Variants in NEBL observed in about 807,000 individuals in gnomAD.
The protein encoded by NEBL is nebulette, also known as LIM and SH3 protein 2.
Under a neutral mutation model 140.2 loss-of-function variants are expected in NEBL, and 122 were observed. The ratio of observed to expected loss-of-function variants is 0.87; its 90% CI spans 0.75 to 1.01. NEBL has a LOEUF of 1.01. Ranked by LOEUF, NEBL falls within the 50% of genes least tolerant of loss-of-function variation. The pLI is 0.00. For missense variants in NEBL, 1,365 were observed against 1,231.3 expected (o/e 1.11, Z -1.62); for synonymous variants, 436 against 398.9 (o/e 1.09, Z -1.11).
chr10:21,228,268 C>G lies in NEBL; in HGVS notation n.348+19653G>C, dbSNP rs933390991. ...TCCTGAAGTCACGCAATGCTCCCGC[C>G]TCAGCTTCCAGAGTAGCTGGGACTA... is the stretch of plus-strand genomic sequence containing the variant. On this transcript the variant is annotated intron_variant and non_coding_transcript_variant, in intron 3 of 8. Transcript: ENST00000675702. Among the ~76,000 whole-genome samples the G allele has an allele frequency of 3.9e-5, 6 of 152,138 alleles. No homozygotes were observed. The East Asian group carries it at 1.2e-3, about 29-fold the overall frequency.
chr10:21,106,577 T>C (rs955929344), intron 2 of NEBL, among the ~76,000 whole-genome samples: 1 of 152,030 alleles, frequency 6.6e-6, no homozygotes, highest in South Asian at 2.1e-4. Context: ...CAGCCTGTTT[T>C]GGTTACTATA....
chr10:20,852,728 A>G, intron 9 of NEBL, 79 bp from the exon 10 acceptor site: 1 of 1,201,112 alleles, frequency 8.3e-7, no homozygotes, highest in Non-Finnish European at 1.2e-6. Context: ...TACAAACTGC[A>G]CATTACAAGC....
chr10:20,937,221 C>T (rs937856833), intron 4 of NEBL, among the ~76,000 whole-genome samples: 2 of 152,186 alleles, frequency 1.3e-5, no homozygotes, highest in African/African-American at 4.8e-5. Flanking sequence ...GAAAGCCAAT[C>T]ACCCCTTGGT....
At position 20,831,592 on chromosome 10, in the gene NEBL, A is replaced by C. The variant is rs45628140; in HGVS notation, c.1450-9T>G. ...TCTCTTTTATAGTCTTTCTGCAGAAAATGAAACATACAGTTAGTGCTCTCC... is the reference window on the plus strand; with the variant it reads ...TCTCTTTTATAGTCTTTCTGCAGAACATGAAACATACAGTTAGTGCTCTCC... On this transcript the variant is annotated splice_polypyrimidine_tract_variant and intron_variant, in intron 14 of 27. Coordinates refer to ENST00000377122, the MANE Select transcript of NEBL (RefSeq NM_006393.3). 1,522 of 1,550,754 alleles carry C rather than the reference A, an allele frequency of 9.8e-4. 6 individuals carry two copies. The highest frequency in any genetic ancestry group is 7.9e-3 in the African/African-American group (581 of 73,498).
chr10:21,172,980 G>A (rs1161162320), intron 1 of NEBL, among the ~76,000 whole-genome samples: 1 of 152,148 alleles, frequency 6.6e-6, no homozygotes, highest in Non-Finnish European at 1.5e-5. Flanking sequence ...GACTCTGCCC[G>A]GGATGACTGT....
chr10:20,953,076 AT>A (rs1025108141), intron 4 of NEBL, among the ~76,000 whole-genome samples: 1 of 152,188 alleles, frequency 6.6e-6, no homozygotes, highest in Non-Finnish European at 1.5e-5. Flanking sequence ...CCTGTTATAC[AT>A]GCAGATCATT....
chr10:20,869,954 C>T (rs963743635), intron 5 of NEBL, 113 bp from the exon 6 acceptor site: 15 of 790,462 alleles, frequency 1.9e-5, no homozygotes, highest in Non-Finnish European at 3.0e-5. Flanking sequence ...AGAGAGCCTA[C>T]TGACCTTAAG....
chr10:21,263,494 CG>C (rs1842764263), intron 1 of NEBL, among the ~76,000 whole-genome samples: 2 of 152,098 alleles, frequency 1.3e-5, no homozygotes, highest in African/African-American at 4.8e-5. Context: ...CTTCTTTGTC[CG>C]TGACCAGGTC....
At chr10:21,190,803 C>T (rs1236520176) in intron 3 of NEBL, among the ~76,000 whole-genome samples, 1 of 152,110 alleles carries the variant, frequency 6.6e-6, no homozygotes, top group Non-Finnish European at 1.5e-5. Context: ...AAACAAAATG[C>T]TAATTTAACC....
chr10:21,173,114 G>A lies in NEBL; in HGVS notation c.70-637C>T, dbSNP rs980904125. Among the ~76,000 whole-genome samples the A allele has an allele frequency of 1.3e-5, 2 of 152,146 alleles. No homozygotes were observed. Among genetic ancestry groups the A allele is most frequent in the Non-Finnish European group, 2.9e-5 (2 of 68,024 alleles). On this transcript the variant is annotated intron_variant, in intron 1 of 6. Coordinates refer to the NEBL transcript ENST00000417816. The surrounding 1 kb of genome is among the most constrained non-coding windows in gnomAD (Gnocchi z 5.7). ...CTCCTGGGTGTCTCTCTCCCGGGCTGTTCATCTCCGTCCCTGCCCGGGAAG... is the reference window on the plus strand; with the variant it reads ...CTCCTGGGTGTCTCTCTCCCGGGCTATTCATCTCCGTCCCTGCCCGGGAAG...
At chr10:20,958,368 C>T (rs926490155) in intron 4 of NEBL, among the ~76,000 whole-genome samples, 11 of 152,144 alleles carry the variant, frequency 7.2e-5, no homozygotes, top group Admixed American at 3.3e-4. Context: ...TGTGAAAATC[C>T]GTAAGGCAGG....
chr10:20,835,519 C>A lies in NEBL; in HGVS notation c.1443G>T (p.Ala481=). The change falls in exon 14 of 28, where the codon GCG becomes GCT. Residue 481 remains alanine (A), a synonymous_variant. Coordinates refer to ENST00000377122, the MANE Select transcript of NEBL (RefSeq NM_006393.3). Reference sequence around the variant, plus strand: ...CATCACGCACCCTACTAACCTCACTCGCTATCTCTGCAGCCTTCTTGGCAT... The same window carrying A: ...CATCACGCACCCTACTAACCTCACTAGCTATCTCTGCAGCCTTCTTGGCAT... ...MQHAKKAAEI[A]SEKDYKRDLE... is the part of the protein sequence containing the mutation. The A allele has an allele frequency of 6.2e-7, 1 of 1,609,694 alleles. No homozygotes were observed. The highest frequency in any genetic ancestry group is 1.1e-5 in the South Asian group (1 of 91,022).
At chr10:20,854,654 T>G (rs1191002893) in intron 9 of NEBL, among the ~76,000 whole-genome samples, 2 of 139,276 alleles carry the variant, frequency 1.4e-5, no homozygotes, top group Admixed American at 1.6e-4. Flanking sequence ...AGCCTTGACC[T>G]CCTGGGCTCA....
chr10:21,098,657 C>T (rs1837317652), intron 2 of NEBL, among the ~76,000 whole-genome samples: 1 of 152,116 alleles, frequency 6.6e-6, no homozygotes. Flanking sequence ...TGGTGTCCTA[C>T]AAGATTGTTA....
chr10:20,990,056 AGTTAT>A (rs2131683175), intron 3 of NEBL, among the ~76,000 whole-genome samples: 1 of 152,222 alleles, frequency 6.6e-6, no homozygotes, highest in East Asian at 1.9e-4. Flanking sequence ...ATTAAATTGA[AGTTAT>A]GTTATTTGGC....
At chr10:21,165,959 A>G (rs111507734) in intron 2 of NEBL, among the ~76,000 whole-genome samples, 80 of 152,248 alleles carry the variant, frequency 5.3e-4, no homozygotes, top group African/African-American at 1.8e-3. Context: ...CACCACTTCC[A>G]ATAAAAAATA....
At chr10:20,883,950 T>C (rs756986662) in intron 4 of NEBL, among the ~76,000 whole-genome samples, 1 of 152,202 alleles carries the variant, frequency 6.6e-6, no homozygotes. Flanking sequence ...TAATGGAAAA[T>C]TATGTCAAGC....
intron 3 of NEBL, among the ~76,000 whole-genome samples, chr10:21,182,309 C>CA (rs967964572): frequency 6.6e-5 from 10 of 150,922 alleles, no homozygotes; most frequent in African/African-American, 1.7e-4. Context: ...CTGTCTCTAC[C>CA]AAAAAAAATA....
chr10:21,095,143 T>C (rs1431091116), intron 2 of NEBL, among the ~76,000 whole-genome samples: 1 of 152,184 alleles, frequency 6.6e-6, no homozygotes, highest in African/African-American at 2.4e-5. Flanking sequence ...TATCAGAATC[T>C]AGAGGTGGGG....
Sources: gnomAD v4.1 joint callset for allele counts (sites outside exome capture counted in the v4.1 genomes callset) on GRCh38, gnomAD v4.1.1 for gene constraint, Gnocchi (gnomAD v3.1) non-coding constraint, MANE v1.5 for transcripts, NCBI Gene and HGNC (gene_info 2026-07-23, HGNC 2026-07-21) for gene names.